Variants in BMPR2 observed in about 807,000 individuals in gnomAD.
BMPR2 encodes the protein bone morphogenetic protein receptor type 2, also known as bone morphogenetic protein receptor type-2.
In BMPR2, 29 loss-of-function variants were observed where a neutral mutation model predicts 100.8. The ratio of observed to expected loss-of-function variants is 0.29; its 90% confidence interval spans 0.21 to 0.39. The LOEUF is 0.39. Among genes scored for constraint, BMPR2 ranks in the 10% least tolerant of loss-of-function variants. The pLI is 1.00. For missense variants in BMPR2, 1,011 were observed against 1,274.5 expected, an observed-to-expected ratio of 0.79 and a Z score of 3.15; for synonymous variants, 382 against 442.3, an observed-to-expected ratio of 0.86 and a Z score of 1.71.
chr2:202,484,401 G>A (rs555083318), intron 3 of BMPR2, among the ~76,000 whole-genome samples: 14 of 149,792 alleles, frequency 9.3e-5, no homozygotes, highest in African/African-American at 2.5e-4. Context: ...AAGGCCGGGC[G>A]CGGTGGCTTA....
At chr2:202,516,753 T>C (rs1687720865) in intron 5 of BMPR2, among the ~76,000 whole-genome samples, 1 of 152,196 alleles carries the variant, frequency 6.6e-6, no homozygotes, top group Admixed American at 6.5e-5. Context: ...AAAGAAATAC[T>C]AGTTAACCCA....
intron 7 of BMPR2, 47 bp from the exon 8 acceptor site, chr2:202,530,747 A>C: frequency 6.7e-7 from 1 of 1,495,166 alleles, no homozygotes; most frequent in South Asian, 1.2e-5. Flanking sequence ...TTTCATGTTC[A>C]ATAGTCCCTT....
At chr2:202,377,587 C>T (rs759863683) in intron 1 of BMPR2, 37 bp downstream of exon 1, 38 of 1,610,058 alleles carry the variant, frequency 2.4e-5, no homozygotes, top group Non-Finnish European at 2.9e-5. Flanking sequence ...GGCCACTGCC[C>T]CTGCGGGTGG....
chr2:202,509,755 T>C (rs908326908), intron 3 of BMPR2, among the ~76,000 whole-genome samples: 6 of 151,992 alleles, frequency 3.9e-5, no homozygotes, highest in African/African-American at 1.4e-4. Context: ...CATGTCCACA[T>C]ATTTAAGAAT....
At chr2:202,474,414 T>G (rs1692497480) in intron 3 of BMPR2, among the ~76,000 whole-genome samples, 1 of 151,914 alleles carries the variant, frequency 6.6e-6, no homozygotes, top group Non-Finnish European at 1.5e-5. Context: ...TAAGCTGAGA[T>G]CGTGCCACTG....
chr2:202,493,218 A>C (rs915456330), intron 3 of BMPR2, among the ~76,000 whole-genome samples: 1 of 151,996 alleles, frequency 6.6e-6, no homozygotes, highest in African/African-American at 2.4e-5. Context: ...CTAGGTTTCC[A>C]TTTTTCTAGT....
intron 1 of BMPR2, among the ~76,000 whole-genome samples, chr2:202,461,187 A>G (rs1020000298): frequency 5.9e-5 from 9 of 152,124 alleles, no homozygotes; most frequent in East Asian, 5.8e-4. Context: ...TCAAAAACAC[A>G]TATAATAAAA....
In BMPR2 at chr2:202,464,943, G is replaced by A. The variant is rs1553503208; in HGVS notation, c.211G>A (p.Glu71Lys). 1.2e-6 allele frequency: 2 copies of A among 1,614,084 alleles called. No individual in the cohort carries two copies. The highest frequency in any genetic ancestry group is 1.1e-5 in the South Asian group (1 of 91,076). ...SKGSTCYGLW[E>K]KSKGDINLVK... Reference sequence around the variant, plus strand: ...AGGTAGCACCTGCTATGGCCTTTGGGAGAAATCAAAAGGGGACATAAATCT... The same window carrying A: ...AGGTAGCACCTGCTATGGCCTTTGGAAGAAATCAAAAGGGGACATAAATCT... Residue 71 changes from glutamate to lysine, a missense_variant, in exon 2 of 13, where the codon GAG becomes AAG. This residue lies in a region of BMPR2 where 355 missense variants were observed against 455.3 expected (regional missense o/e 0.78). Coordinates refer to ENST00000374580, the MANE Select transcript of BMPR2 (RefSeq NM_001204.7).
intron 1 of BMPR2, among the ~76,000 whole-genome samples, chr2:202,448,532 C>A (rs1289805238): frequency 6.6e-6 from 1 of 151,568 alleles, no homozygotes; most frequent in Admixed American, 6.6e-5. Flanking sequence ...TCTTGGCTCA[C>A]TGCAGCCTCC....
chr2:202,449,921 C>T (rs1350043831), intron 1 of BMPR2, among the ~76,000 whole-genome samples: 1 of 151,872 alleles, frequency 6.6e-6, no homozygotes, highest in Non-Finnish European at 1.5e-5. Context: ...GTCTGGCCCA[C>T]GTGGTGAATC....
intron 1 of BMPR2, among the ~76,000 whole-genome samples, chr2:202,422,165 C>T (rs1157652505): frequency 6.6e-6 from 1 of 152,132 alleles, no homozygotes; most frequent in African/African-American, 2.4e-5. Context: ...CGTCGGCCTC[C>T]CAGAGTGCTG....
At chr2:202,384,053 T>G (rs537566725) in intron 1 of BMPR2, among the ~76,000 whole-genome samples, 8 of 151,906 alleles carry the variant, frequency 5.3e-5, no homozygotes, top group Non-Finnish European at 1.0e-4. Flanking sequence ...GCGCCTATAA[T>G]CCCAGCTACT....
chr2:202,500,103 G>C (rs1186625779), intron 3 of BMPR2, among the ~76,000 whole-genome samples: 1 of 152,162 alleles, frequency 6.6e-6, no homozygotes, highest in Non-Finnish European at 1.5e-5. Flanking sequence ...GGGTGCCCGG[G>C]GCAAGTGCCA....
chr2:202,422,413 T>A (rs1203174944), intron 1 of BMPR2, among the ~76,000 whole-genome samples: 1 of 151,898 alleles, frequency 6.6e-6, no homozygotes, highest in East Asian at 1.9e-4. Flanking sequence ...TTCCCACCAT[T>A]CTCCTGCCTC....
intron 1 of BMPR2, among the ~76,000 whole-genome samples, chr2:202,420,285 T>C (rs548400754): frequency 6.6e-6 from 1 of 152,082 alleles, no homozygotes; most frequent in East Asian, 1.9e-4. Context: ...TTCAAAGAAA[T>C]AATGAGCAAT....
intron 1 of BMPR2, among the ~76,000 whole-genome samples, chr2:202,398,343 T>C (rs959517632): frequency 1.3e-5 from 2 of 152,174 alleles, no homozygotes; most frequent in African/African-American, 4.8e-5. Flanking sequence ...TTAGGGAAAT[T>C]TCTCATTCAG....
chr2:202,483,126 T>C (rs1350900215), intron 3 of BMPR2, among the ~76,000 whole-genome samples: 1 of 152,196 alleles, frequency 6.6e-6, no homozygotes, highest in African/African-American at 2.4e-5. Flanking sequence ...ATTGGAGATA[T>C]TGAGCATCTT....
chr2:202,388,412 A>AC (rs1553493817), intron 1 of BMPR2, among the ~76,000 whole-genome samples: 3 of 150,272 alleles, frequency 2.0e-5, no homozygotes, highest in African/African-American at 7.3e-5. Context: ...AAAAAAAAAA[A>AC]AAAAAAAACA....
In BMPR2 at chr2:202,552,724, G is replaced by A. The variant is rs1217086739; in HGVS notation, c.1422G>A (p.Arg474=). ...TGTACTTTGTCTTACAGGCAGTGAGGTCACTCAAGGAGACAATCGAAGACT... is the reference window on the plus strand; with the variant it reads ...TGTACTTTGTCTTACAGGCAGTGAGATCACTCAAGGAGACAATCGAAGACT... The part of the protein sequence containing the change: ...EAWKENSLAV[R]SLKETIEDCW... Residue 474 remains arginine (R), a synonymous_variant, in exon 11 of 13, where the codon AGG becomes AGA. Coordinates refer to ENST00000374580, the MANE Select transcript of BMPR2 (RefSeq NM_001204.7). 6.2e-7 allele frequency: 1 copy of A among 1,613,846 alleles called. No individual in the cohort carries two copies. Among genetic ancestry groups the A allele is most frequent in the African/African-American group, 1.3e-5 (1 of 74,878 alleles).
Sources: allele counts gnomAD v4.1 joint callset (sites outside exome capture counted in the v4.1 genomes callset), GRCh38; gene constraint gnomAD v4.1.1; regional missense constraint gnomAD v4.1.1; transcripts MANE v1.5; gene names NCBI Gene and HGNC (gene_info 2026-07-23, HGNC 2026-07-21).